The following PEX5L variants were observed in gnomAD, a reference collection of about 807,000 sequenced individuals.
The protein encoded by PEX5L is peroxisomal biogenesis factor 5 like, also known as PEX5-related protein.
PEX5L carries 30 observed loss-of-function variants against 84.0 expected under a neutral mutation model. The observed-to-expected ratio is 0.36, with a 90% confidence interval of 0.27 to 0.48. The LOEUF (loss-of-function observed/expected upper bound fraction) is 0.48, where lower values mean the gene tolerates loss of function less well. Among genes scored for constraint, PEX5L ranks in the 20% least tolerant of loss-of-function variants. The pLI, the probability that PEX5L is intolerant of heterozygous loss-of-function variation, is 0.99. For missense variants in PEX5L, 533 were observed against 754.6 expected, an observed-to-expected ratio of 0.71 and a Z score of 3.44; for synonymous variants, 270 against 283.1, an observed-to-expected ratio of 0.95 and a Z score of 0.46.
At chr3:180,014,370 G>A (rs540869415) in intron 1 of PEX5L, among the ~76,000 whole-genome samples, 88 of 152,208 alleles carry the variant, frequency 5.8e-4, no homozygotes, top group African/African-American at 1.7e-3. Context: ...TACTCCGGAG[G>A]CTGAGGCAGG....
At chr3:179,910,853 T>A (rs1348265103) in intron 2 of PEX5L, among the ~76,000 whole-genome samples, 1 of 152,232 alleles carries the variant, frequency 6.6e-6, no homozygotes, top group Non-Finnish European at 1.5e-5. Context: ...AACTTTTCTG[T>A]CAAACTTTCT....
chr3:179,985,058 A>G (rs944243169), intron 1 of PEX5L, among the ~76,000 whole-genome samples: 1 of 152,214 alleles, frequency 6.6e-6, no homozygotes, highest in Non-Finnish European at 1.5e-5. Context: ...AACGTAGACT[A>G]TGCACTTCTG....
intron 4 of PEX5L, among the ~76,000 whole-genome samples, chr3:179,886,397 G>A (rs559541968): frequency 1.3e-5 from 2 of 151,942 alleles, no homozygotes; most frequent in Non-Finnish European, 2.9e-5. Flanking sequence ...TTGCTGTGGT[G>A]TGATATAAAA....
chr3:179,795,936 A>G lies in PEX5L; in HGVS notation c.*5892T>C, dbSNP rs1435285120. The G allele has an allele frequency of 6.6e-6, 1 of 152,132 alleles. No individual in the cohort carries two copies. The highest frequency in any genetic ancestry group is 2.4e-5 in the African/African-American group (1 of 41,428). The allele number at this position is 152,132 out of a possible 1,614,324, so 9.4% of individuals were successfully genotyped here. A position where few individuals can be genotyped will look rare whatever the true frequency, so the allele number is the denominator to read the frequency against. On this transcript the variant is annotated 3_prime_UTR_variant, in exon 15 of 15. Coordinates refer to ENST00000467460, the MANE Select transcript of PEX5L (RefSeq NM_016559.3). The stretch of plus-strand genomic sequence containing the variant: ...GTAAATTGAAAGTTTGGGTTAGATG[A>G]TATATAGGGAACATGAAAGGAAGTT...
rs568961684 is a variant in PEX5L, at chr3:179,809,459, C to T, written c.1352+12G>A. The T allele has an allele frequency of 5.9e-4, 951 of 1,604,414 alleles. 11 individuals are homozygous for T. The South Asian group carries it at 8.4e-3, about 14-fold the overall frequency. On this transcript the variant is annotated intron_variant, in intron 12 of 14. Transcript: ENST00000467460. ...GTGTTTACTGCCAGCTGTAATATAA[C>T]GAGAAGGATACCTATCAACTGGGGA...
chr3:180,018,277 T>G (rs909408682), intron 1 of PEX5L, among the ~76,000 whole-genome samples: 1 of 152,202 alleles, frequency 6.6e-6, no homozygotes. Flanking sequence ...ATATTTGCAA[T>G]TTTTCCATCA....
At position 179,923,958 on chromosome 3, in the gene PEX5L, T is replaced by C. The variant is rs531367817; in HGVS notation, c.94-25712A>G. 1.3e-3 allele frequency among the ~76,000 whole-genome samples: 194 copies of C among 152,346 alleles called. 2 individuals are homozygous for C. The highest frequency in any genetic ancestry group is 4.5e-3 in the African/African-American group (188 of 41,576). ...ATTTGTTTCTAATAAGGTGAAATCA[T>C]GTTTACGTCGGCAGTGAATATCAAA... On this transcript the variant is annotated intron_variant, in intron 2 of 14. Coordinates refer to ENST00000467460, the MANE Select transcript of PEX5L (RefSeq NM_016559.3).
At chr3:179,920,671 T>A (rs1284019536) in intron 2 of PEX5L, among the ~76,000 whole-genome samples, 1 of 152,202 alleles carries the variant, frequency 6.6e-6, no homozygotes, top group East Asian at 1.9e-4. Context: ...AATACATATC[T>A]ATTCTCAAGA....
chr3:179,796,959 G>A lies in PEX5L; in HGVS notation c.*4869C>T, dbSNP rs77878922. On this transcript the variant is annotated 3_prime_UTR_variant, in exon 15 of 15. Coordinates refer to ENST00000467460, the MANE Select transcript of PEX5L (RefSeq NM_016559.3). ...AAAATTAAGGCCCCATATCTACTTC[G>A]TTGTGTGATGATTTTGATGTGCCTG... 3.7e-4 allele frequency: 57 copies of A among 152,214 alleles called. No individual in the cohort carries two copies. Among genetic ancestry groups the A allele is most frequent in the African/African-American group, 1.3e-3 (56 of 41,538 alleles). 9.4% of individuals were successfully genotyped at this position (152,214 alleles called of 1,614,324 possible).
At chr3:179,867,669 C>T (rs6784136) in intron 7 of PEX5L, among the ~76,000 whole-genome samples, 139,333 of 152,230 alleles carry the variant, frequency 0.92, 63,880 homozygotes, top group South Asian at 0.97. Flanking sequence ...CTTTCCAATG[C>T]TTTCCTTGCC....
intron 2 of PEX5L, among the ~76,000 whole-genome samples, chr3:179,948,664 G>C (rs373338469): frequency 1.3e-5 from 2 of 152,098 alleles, no homozygotes; most frequent in East Asian, 3.9e-4. Context: ...AACTGGGTAG[G>C]TGCATACTGT....
At chr3:179,843,869 G>A (rs1198726089) in intron 8 of PEX5L, among the ~76,000 whole-genome samples, 1 of 152,164 alleles carries the variant, frequency 6.6e-6, no homozygotes, top group East Asian at 1.9e-4. Context: ...CACAGCATGA[G>A]GTCCCATCTT....
intron 8 of PEX5L, among the ~76,000 whole-genome samples, chr3:179,826,549 C>T (rs1730564220): frequency 6.6e-6 from 1 of 152,110 alleles, no homozygotes; most frequent in African/African-American, 2.4e-5. Context: ...TTTTTTATTG[C>T]AGCAAGTAGG....
intron 10 of PEX5L, among the ~76,000 whole-genome samples, chr3:179,815,201 C>T (rs79760486): frequency 5.3e-5 from 8 of 152,206 alleles, no homozygotes; most frequent in African/African-American, 1.7e-4. Context: ...ATAAATGTGG[C>T]GTGAGTAAAC....
chr3:179,814,399 A>G (rs557493997), intron 10 of PEX5L, among the ~76,000 whole-genome samples: 1 of 152,302 alleles, frequency 6.6e-6, no homozygotes, highest in South Asian at 2.1e-4. Flanking sequence ...AGGAAACTGA[A>G]ACTTAGAGGG....
At chr3:179,948,902 G>A (rs1376412181) in intron 2 of PEX5L, among the ~76,000 whole-genome samples, 1 of 152,176 alleles carries the variant, frequency 6.6e-6, no homozygotes, top group Non-Finnish European at 1.5e-5. Context: ...TGCTGATGTT[G>A]ATTTTAAACA....
intron 1 of PEX5L, among the ~76,000 whole-genome samples, chr3:179,989,410 C>T (rs1002580358): frequency 1.3e-5 from 2 of 152,074 alleles, no homozygotes; most frequent in African/African-American, 4.8e-5. Context: ...CCTCTCATGA[C>T]ATATGTGATA....
At chr3:179,869,865 T>G (rs960856843) in intron 7 of PEX5L, among the ~76,000 whole-genome samples, 1 of 152,216 alleles carries the variant, frequency 6.6e-6, no homozygotes, top group African/African-American at 2.4e-5. Flanking sequence ...CTTCCCAATA[T>G]GGCTTTTGTT....
chr3:179,898,956 C>T (rs2108994743), intron 2 of PEX5L, among the ~76,000 whole-genome samples: 1 of 152,048 alleles, frequency 6.6e-6, no homozygotes, highest in South Asian at 2.1e-4. Flanking sequence ...AAGGATAATC[C>T]ATAACTGACG....
Sources: gnomAD v4.1 joint callset for allele counts (sites outside exome capture counted in the v4.1 genomes callset) on GRCh38, gnomAD v4.1.1 for gene constraint, MANE v1.5 for transcripts, NCBI Gene and HGNC (gene_info 2026-07-23, HGNC 2026-07-21) for gene names.